TMTC1: variants seen among roughly 807,000 people sequenced by gnomAD.
TMTC1 encodes protein O-mannosyl-transferase TMTC1.
Under a neutral mutation model 104.8 loss-of-function variants are expected in TMTC1, and 73 were observed. That is an observed-to-expected ratio of 0.70 (90% CI 0.58 to 0.85). The LOEUF (loss-of-function observed/expected upper bound fraction) is 0.85, where lower values mean the gene tolerates loss of function less well. Among genes scored for constraint, TMTC1 ranks in the 40% least tolerant of loss-of-function variants. The pLI, the probability that TMTC1 is intolerant of heterozygous loss-of-function variation, is 0.00. For synonymous variants in TMTC1, 434 were observed against 428.7 expected (o/e 1.01, Z -0.15); for missense variants, 1,035 against 1,096.1 (o/e 0.94, Z 0.79).
chr12:29,711,537 G>A (rs1043934355), intron 5 of TMTC1, among the ~76,000 whole-genome samples: 5 of 152,142 alleles, frequency 3.3e-5, no homozygotes, highest in Non-Finnish European at 5.9e-5. Context: ...AACTCAGACC[G>A]TAAAACTGCA....
intron 11 of TMTC1, chr12:29,532,436 A>G (rs1031390024): frequency 6.6e-6 from 1 of 152,230 alleles, no homozygotes; most frequent in African/African-American, 2.4e-5. Flanking sequence ...AAAGAAAATA[A>G]AAAGGAATCC....
intron 5 of TMTC1, among the ~76,000 whole-genome samples, chr12:29,699,223 G>A (rs1941511150): frequency 6.6e-6 from 1 of 152,292 alleles, no homozygotes; most frequent in African/African-American, 2.4e-5. Context: ...GAAGGTCTCT[G>A]AATACCCATG....
At chr12:29,744,855 C>T (rs571577806) in intron 5 of TMTC1, among the ~76,000 whole-genome samples, 1 of 152,256 alleles carries the variant, frequency 6.6e-6, no homozygotes, top group East Asian at 1.9e-4. Flanking sequence ...CCAATAAACA[C>T]AGTTCATAAT....
At chr12:29,759,505 A>C (rs1197310218) in intron 2 of TMTC1, among the ~76,000 whole-genome samples, 1 of 152,182 alleles carries the variant, frequency 6.6e-6, no homozygotes, top group African/African-American at 2.4e-5. Context: ...AAAAAATAAA[A>C]AAATAAACAG....
chr12:29,619,567 C>T (rs1947076371), intron 6 of TMTC1, among the ~76,000 whole-genome samples: 1 of 152,162 alleles, frequency 6.6e-6, no homozygotes, highest in African/African-American at 2.4e-5. Flanking sequence ...ATGGAGAAAT[C>T]CAGCGATGGT....
At chr12:29,775,412 G>C (rs1054489591) in intron 1 of TMTC1, among the ~76,000 whole-genome samples, 11 of 151,912 alleles carry the variant, frequency 7.2e-5, no homozygotes, top group Non-Finnish European at 1.3e-4. Context: ...ACATAATCAG[G>C]GCCTCCCACA....
chr12:29,768,209 G>T, intron 1 of TMTC1, 134 bp from the exon 2 acceptor site: 2 of 733,336 alleles, frequency 2.7e-6, no homozygotes, highest in South Asian at 2.2e-5. Flanking sequence ...TCCCAACATT[G>T]GGTTATTTTT....
At chr12:29,535,209 G>A (rs978666667) in intron 11 of TMTC1, 1 of 152,168 alleles carries the variant, frequency 6.6e-6, no homozygotes, top group African/African-American at 2.4e-5. Flanking sequence ...CAAGCCAAGG[G>A]CAGCTGAGGA....
rs931439897 is a variant in TMTC1, at chr12:29,760,140, A to G, written c.481-1363T>C. Among the ~76,000 whole-genome samples the G allele has an allele frequency of 2.6e-5, 4 of 152,216 alleles. No homozygotes were observed. The South Asian group carries it at 6.2e-4, about 24-fold the overall frequency. On this transcript the variant is annotated intron_variant, in intron 2 of 17. Coordinates refer to ENST00000539277, the MANE Select transcript of TMTC1 (RefSeq NM_001193451.2). ...CCATAGCATCTAGGTTTGTATAAGTATACTCTATGATGTTTGCACAATGAC... is the reference window on the plus strand; with the variant it reads ...CCATAGCATCTAGGTTTGTATAAGTGTACTCTATGATGTTTGCACAATGAC...
chr12:29,781,966 T>C (rs954929059), intron 1 of TMTC1, among the ~76,000 whole-genome samples: 2 of 152,252 alleles, frequency 1.3e-5, no homozygotes, highest in African/African-American at 4.8e-5. Context: ...TGAAAAATAC[T>C]CAGACCTGTG....
Position 29,767,961 on chromosome 12 carries a change from C to A in TMTC1, c.417G>T (p.Lys139Asn), listed in dbSNP as rs753957920. ...LMYTCDKTVF[K>N]NRGLAFVTAL... Reference sequence around the variant, plus strand: ...CCGTTACAAAAGCAAGTCCACGATTCTTGAAGACAGTTTTATCACAGGTGT... The same window carrying A: ...CCGTTACAAAAGCAAGTCCACGATTATTGAAGACAGTTTTATCACAGGTGT... The change falls in exon 2 of 18, where the codon AAG (lysine) becomes AAT (asparagine). Residue 139 changes from lysine to asparagine, a missense_variant. Transcript: ENST00000539277. The A allele has an allele frequency of 1.2e-6, 2 of 1,613,906 alleles. No homozygotes were observed. The highest frequency in any genetic ancestry group is 1.7e-6 in the Non-Finnish European group (2 of 1,179,892).
At chr12:29,716,798 G>A (rs572977432) in intron 5 of TMTC1, among the ~76,000 whole-genome samples, 1 of 152,226 alleles carries the variant, frequency 6.6e-6, no homozygotes, top group African/African-American at 2.4e-5. Context: ...GGCAGATCAC[G>A]AGGTCAGGAG....
intron 5 of TMTC1, among the ~76,000 whole-genome samples, chr12:29,664,140 TCCC>T (rs1940172517): frequency 6.8e-6 from 1 of 147,754 alleles, no homozygotes; most frequent in South Asian, 2.1e-4. Context: ...TGAGCCGAGA[TCCC>T]GCCACTGCAC....
chr12:29,643,944 T>A (rs1419261129), intron 5 of TMTC1, among the ~76,000 whole-genome samples: 4 of 114,322 alleles, frequency 3.5e-5, no homozygotes, highest in African/African-American at 1.4e-4. Context: ...TATATAAATT[T>A]AAATATATAT....
intron 7 of TMTC1, 95 bp from the exon 8 acceptor site, chr12:29,583,669 T>G (rs1321550548): frequency 8.5e-7 from 1 of 1,180,820 alleles, no homozygotes; most frequent in Non-Finnish European, 1.2e-6. Context: ...AAATGAAGCT[T>G]GTCCTGTGCT....
intron 11 of TMTC1, among the ~76,000 whole-genome samples, chr12:29,530,177 C>T (rs299445): frequency 0.55 from 83,014 of 151,994 alleles, 25,534 homozygotes; most frequent in South Asian, 0.69. Flanking sequence ...AACACACCCC[C>T]TCCTGGCCAA....
chr12:29,628,976 CT>C (rs1938150589), intron 6 of TMTC1, among the ~76,000 whole-genome samples: 1 of 151,950 alleles, frequency 6.6e-6, no homozygotes, highest in Admixed American at 6.5e-5. Context: ...GCATTCCTTT[CT>C]ATTGATAATA....
intron 7 of TMTC1, among the ~76,000 whole-genome samples, chr12:29,598,120 G>A (rs1379242716): frequency 6.6e-6 from 1 of 152,180 alleles, no homozygotes; most frequent in Non-Finnish European, 1.5e-5. Flanking sequence ...GCCAGTGGGC[G>A]ACAGATAGGG....
intron 12 of TMTC1, 141 bp downstream of exon 12, chr12:29,520,477 C>T (rs528500192): frequency 1.6e-5 from 11 of 688,768 alleles, no homozygotes; most frequent in South Asian, 8.8e-5. Flanking sequence ...ATGACAGCCC[C>T]GAGGTATAAT....
Sources: gnomAD v4.1 joint callset for allele counts (sites outside exome capture counted in the v4.1 genomes callset) on GRCh38, gnomAD v4.1.1 for gene constraint, MANE v1.5 for transcripts, NCBI Gene and HGNC (gene_info 2026-07-23, HGNC 2026-07-21) for gene names.